MTMR2: variants seen among roughly 807,000 people sequenced by gnomAD.
The protein encoded by MTMR2 is myotubularin related protein 2.
A neutral mutation model predicts 86.9 loss-of-function variants in MTMR2; 55 were observed. That is an observed-to-expected ratio of 0.63 (90% CI 0.51 to 0.79). The LOEUF is 0.79. Among genes scored for constraint, MTMR2 ranks in the 30% least tolerant of loss-of-function variants. The pLI is 0.00. For missense variants in MTMR2, 659 were observed against 772.3 expected (o/e 0.85, Z 1.74); for synonymous variants, 241 against 266.8 (o/e 0.90, Z 0.94).
intron 1 of MTMR2, among the ~76,000 whole-genome samples, chr11:95,913,800 GCTAA>G (rs974009802): frequency 3.4e-4 from 51 of 152,056 alleles, no homozygotes; most frequent in East Asian, 1.2e-3. Flanking sequence ...AAGGAAGGCG[GCTAA>G]CTAACTGGTC....
chr11:95,901,960 T>C (rs931082712), intron 1 of MTMR2, among the ~76,000 whole-genome samples: 2 of 152,190 alleles, frequency 1.3e-5, no homozygotes, highest in Non-Finnish European at 2.9e-5. Flanking sequence ...GGATTGGTAA[T>C]CTAATCCCCC....
chr11:95,868,826 C>G lies in MTMR2; in HGVS notation c.187-3150G>C, dbSNP rs569208390. Among the ~76,000 whole-genome samples the G allele has an allele frequency of 9.9e-5, 15 of 151,436 alleles. No individual in the cohort carries two copies. The South Asian group carries it at 1.5e-3, about 15-fold the overall frequency. ...AGGTTATCTATAATACCATATTCTA[C>G]AAGACAATAACAAAATGTGATCAAA... is the stretch of plus-strand genomic sequence containing the variant. On this transcript the variant is annotated intron_variant, in intron 2 of 14. Transcript: ENST00000346299.
chr11:95,875,608 TTC>T (rs1456418451), intron 2 of MTMR2, among the ~76,000 whole-genome samples: 2 of 152,010 alleles, frequency 1.3e-5, no homozygotes, highest in East Asian at 3.8e-4. Flanking sequence ...GTCAAAGTCA[TTC>T]TCTGTCCAGC....
At chr11:95,866,574 GTAACTT>G (rs1864627024) in intron 2 of MTMR2, 1 of 151,332 alleles carries the variant, frequency 6.6e-6, no homozygotes, top group South Asian at 2.1e-4. Context: ...GTTTCATAAA[GTAACTT>G]TAATGCAATA....
intron 2 of MTMR2, among the ~76,000 whole-genome samples, chr11:95,871,522 C>T (rs1019987585): frequency 9.2e-5 from 14 of 152,308 alleles, no homozygotes; most frequent in Admixed American, 2.0e-4. Context: ...TGTCTTTTGG[C>T]TGCATAAATG....
Position 95,834,949 on chromosome 11 carries a change from A to G in MTMR2, c.*341T>C. ...CCTCTGCACAGTGAGCACAGAGTGT[A>G]TTTCTAAAATGGTTTTAATATTACC... On this transcript the variant is annotated 3_prime_UTR_variant, in exon 15 of 15. Coordinates refer to ENST00000346299, the MANE Select transcript of MTMR2 (RefSeq NM_016156.6). 3.0e-6 allele frequency: 1 copy of G among 333,098 alleles called. No homozygotes were observed. The highest frequency in any genetic ancestry group is 5.8e-6 in the Non-Finnish European group (1 of 171,516). The allele number at this position is 333,098 out of a possible 1,614,324, so 20.6% of individuals were successfully genotyped here.
At position 95,923,905 on chromosome 11, in the gene MTMR2, G is replaced by C. The variant is rs1266517172; in HGVS notation, c.50C>G (p.Ala17Gly). Residue 17 changes from alanine to glycine, a missense_variant, in exon 1 of 15, where the codon GCT becomes GGT. Ala to Gly is a moderately conservative substitution (Grantham distance 60). Coordinates refer to ENST00000346299, the MANE Select transcript of MTMR2 (RefSeq NM_016156.6). ...CAAGGAGTCCACGCTGGGCGGCCGAGCCGCCGCCGGCTGGGAGCCAAGACT... is the reference window on the plus strand; with the variant it reads ...CAAGGAGTCCACGCTGGGCGGCCGACCCGCCGCCGGCTGGGAGCCAAGACT... ...CESLGSQPAA[A>G]RPPSVDSLSS... The C allele has an allele frequency of 6.4e-7, 1 of 1,558,542 alleles. No homozygotes were observed. Among genetic ancestry groups the C allele is most frequent in the Non-Finnish European group, 8.7e-7 (1 of 1,151,164 alleles).
At position 95,841,638 on chromosome 11, in the gene MTMR2, A is replaced by G. The variant is rs757313990; in HGVS notation, c.1458T>C (p.Cys486=). ...TTACCTGTCTTGTCATCTGCCAGAC[A>G]CAGTCAATAAATTGAAGAAAAACAG... The part of the protein sequence containing the change: ...RSPVFLQFID[C]VWQMTRQFPT... The change falls in exon 12 of 15, where the codon TGT becomes TGC. Residue 486 remains cysteine (C), a synonymous_variant. Coordinates refer to ENST00000346299, the MANE Select transcript of MTMR2 (RefSeq NM_016156.6). 5.0e-6 allele frequency: 8 copies of G among 1,612,942 alleles called. No individual in the cohort carries two copies. The Admixed American group carries it at 8.3e-5, about 17-fold the overall frequency.
At chr11:95,881,590 G>A (rs1466956310) in intron 2 of MTMR2, among the ~76,000 whole-genome samples, 1 of 151,624 alleles carries the variant, frequency 6.6e-6, no homozygotes, top group Non-Finnish European at 1.5e-5. Context: ...AGGTACTTTT[G>A]TTGCTGTTGT....
At chr11:95,850,813 C>T (rs1293392844) in intron 7 of MTMR2, 64 bp from the exon 8 acceptor site, 3 of 1,474,874 alleles carry the variant, frequency 2.0e-6, no homozygotes, top group Non-Finnish European at 2.8e-6. Context: ...GACACCAGGA[C>T]AGAAGCCATC....
chr11:95,853,213 C>G (rs796229893), intron 7 of MTMR2, among the ~76,000 whole-genome samples: 1 of 151,434 alleles, frequency 6.6e-6, no homozygotes, highest in African/African-American at 2.4e-5. Context: ...GGTATTCAAC[C>G]AAGAAACCTG....
intron 2 of MTMR2, among the ~76,000 whole-genome samples, chr11:95,876,836 TCA>T (rs1865131349): frequency 6.6e-6 from 1 of 152,008 alleles, no homozygotes; most frequent in African/African-American, 2.4e-5. Context: ...TCTCTCTTTC[TCA>T]CACACACAGG....
intron 1 of MTMR2, chr11:95,912,983 T>C (rs143390789): frequency 1.3e-5 from 2 of 152,132 alleles, no homozygotes; most frequent in African/African-American, 2.4e-5. Context: ...TTCGTAAGCA[T>C]GAAACTTAAA....
intron 1 of MTMR2, among the ~76,000 whole-genome samples, chr11:95,892,165 T>A (rs2135558572): frequency 6.6e-6 from 1 of 152,308 alleles, no homozygotes; most frequent in Non-Finnish European, 1.5e-5. Flanking sequence ...AGTCAAGCTC[T>A]CTATGTTTAT....
At chr11:95,884,174 T>G (rs1338899366) in intron 2 of MTMR2, among the ~76,000 whole-genome samples, 2 of 152,146 alleles carry the variant, frequency 1.3e-5, no homozygotes, top group Non-Finnish European at 2.9e-5. Context: ...TTGCCTGTAA[T>G]TAAAACACTA....
intron 2 of MTMR2, among the ~76,000 whole-genome samples, chr11:95,876,876 A>T (rs1481377779): frequency 6.6e-6 from 1 of 151,844 alleles, no homozygotes; most frequent in Non-Finnish European, 1.5e-5. Context: ...GCACTCTCTC[A>T]CACACACACA....
At chr11:95,875,647 C>T (rs572176854) in intron 2 of MTMR2, among the ~76,000 whole-genome samples, 37 of 152,354 alleles carry the variant, frequency 2.4e-4, no homozygotes, top group African/African-American at 7.9e-4. Context: ...TGAGGAGCTG[C>T]GTTCCTCTGG....
intron 1 of MTMR2, among the ~76,000 whole-genome samples, chr11:95,909,001 G>A (rs1200464095): frequency 6.6e-6 from 1 of 152,062 alleles, no homozygotes; most frequent in Admixed American, 6.6e-5. Flanking sequence ...CACCATCTCA[G>A]CCAGAGAGTT....
intron 13 of MTMR2, among the ~76,000 whole-genome samples, chr11:95,837,033 A>ATT (rs1293855909): frequency 6.6e-6 from 1 of 152,064 alleles, no homozygotes; most frequent in African/African-American, 2.4e-5. Context: ...ATAATCAATG[A>ATT]TTCCTACCCC....
Sources: allele counts gnomAD v4.1 joint callset (sites outside exome capture counted in the v4.1 genomes callset), GRCh38; gene constraint gnomAD v4.1.1; transcripts MANE v1.5; gene names NCBI Gene and HGNC (gene_info 2026-07-23, HGNC 2026-07-21).